The following SEMA4C variants were observed in gnomAD, a reference collection of about 807,000 sequenced individuals.
SEMA4C encodes semaphorin-4C.
SEMA4C carries 19 observed loss-of-function variants against 89.0 expected under a neutral mutation model. That is an observed-to-expected ratio of 0.21 (90% CI 0.15 to 0.31). The LOEUF is 0.31. SEMA4C is among the 10% of genes least tolerant of loss of function. SEMA4C has a pLI of 1.00. For synonymous variants in SEMA4C, 428 were observed against 472.7 expected, an observed-to-expected ratio of 0.91 and a Z score of 1.23; for missense variants, 811 against 1,107.0, an observed-to-expected ratio of 0.73 and a Z score of 3.79.
At chr2:96,868,067 T>A in intron 1 of SEMA4C, 144 bp from the exon 2 acceptor site, 2 of 1,166,380 alleles carry the variant, frequency 1.7e-6, no homozygotes, top group Non-Finnish European at 2.3e-6. Flanking sequence ...GAGGTGGACC[T>A]AAGTCCCCAC....
intron 3 of SEMA4C, 120 bp from the exon 4 acceptor site, chr2:96,866,049 G>A: frequency 1.7e-6 from 2 of 1,151,316 alleles, no homozygotes; most frequent in South Asian, 2.8e-5. Flanking sequence ...CCTATTCTCT[G>A]GGGACTTCCT....
Position 96,864,889 on chromosome 2 carries a change from C to A in SEMA4C, c.787-9G>T, listed in dbSNP as rs185401533. The A allele has an allele frequency of 6.8e-6, 11 of 1,612,386 alleles. No homozygotes were observed. The highest frequency in any genetic ancestry group is 2.7e-5 in the African/African-American group (2 of 75,030). Reference sequence around the variant, plus strand: ...GCGCCCCCCATATCGCCCTGGCAGACGGCAAGGGGACACTGCCGGTCAGCC... The same window carrying A: ...GCGCCCCCCATATCGCCCTGGCAGAAGGCAAGGGGACACTGCCGGTCAGCC... On this transcript the variant is annotated splice_polypyrimidine_tract_variant and intron_variant, in intron 8 of 14. Transcript: ENST00000305476. This position sits in a 1 kb window ranked among gnomAD's most constrained non-coding sequence, Gnocchi z 6.3.
At chr2:96,866,527 A>G in intron 2 of SEMA4C, 96 bp from the exon 3 acceptor site, 1 of 1,538,236 alleles carries the variant, frequency 6.5e-7, no homozygotes, top group Non-Finnish European at 9.0e-7. Context: ...TGCCACAAGC[A>G]GATGCCAGCC....
intron 1 of SEMA4C, chr2:96,868,701 C>T (rs2153365821): frequency 1.0e-6 from 1 of 985,190 alleles, no homozygotes; most frequent in African/African-American, 1.7e-5. Context: ...GGGGACCGAG[C>T]TCGGGTCGAG....
At position 96,861,858 on chromosome 2, in the gene SEMA4C, GCA is replaced by G; in HGVS notation, c.1478_1479del (p.Val493AlafsTer63). On this transcript the variant is annotated frameshift_variant, in exon 13 of 15. Coordinates refer to ENST00000305476, the MANE Select transcript of SEMA4C (RefSeq NM_017789.5). LOFTEE classifies it high-confidence loss of function. The surrounding 1 kb of genome is among the most constrained non-coding windows in gnomAD (Gnocchi z 7.8). ...LLFAGSRSQL[V>X]QLPVADCMKY... ...TTCATGCAGTCGGCCACGGGCAGCT[GCA>G]CCAGCTGAGAGCGGGAGCCGGCAAA... is the stretch of plus-strand genomic sequence containing the variant. The G allele has an allele frequency of 6.2e-7, 1 of 1,612,342 alleles. No homozygotes were observed. Among genetic ancestry groups the G allele is most frequent in the Non-Finnish European group, 8.5e-7 (1 of 1,179,794 alleles).
intron 1 of SEMA4C, 108 bp downstream of exon 1, chr2:96,869,768 C>G: frequency 1.0e-6 from 1 of 984,602 alleles, no homozygotes; most frequent in Non-Finnish European, 1.2e-6. Flanking sequence ...TCCCCGCGCC[C>G]CAGCCCCTGT....
At chr2:96,863,833 C>G (rs1297528171) in intron 11 of SEMA4C, 39 bp from the exon 12 acceptor site, 1 of 1,607,296 alleles carries the variant, frequency 6.2e-7, no homozygotes, top group South Asian at 1.1e-5. Context: ...TGAGAGGGCA[C>G]AAGGCCGTGG....
chr2:96,864,986 G>GCCAC lies in SEMA4C; in HGVS notation c.760_763dup (p.Ala255GlyfsTer70). On this transcript the variant is annotated frameshift_variant, in exon 8 of 15. Coordinates refer to ENST00000305476, the MANE Select transcript of SEMA4C (RefSeq NM_017789.5). LOFTEE classifies it high-confidence loss of function. This position sits in a 1 kb window ranked among gnomAD's most constrained non-coding sequence, Gnocchi z 6.3. ...TACCTTGCAGACACGGGCCACACGA[G>GCCAC]CCACCACCTGCTCGGCATAGCAGTC... The GCCAC allele has an allele frequency of 6.4e-7, 1 of 1,570,214 alleles. No individual in the cohort carries two copies. Among genetic ancestry groups the GCCAC allele is most frequent in the Non-Finnish European group, 8.6e-7 (1 of 1,157,954 alleles).
chr2:96,866,232 G>A (rs780896266), intron 3 of SEMA4C, 51 bp downstream of exon 3: 4 of 1,564,242 alleles, frequency 2.6e-6, no homozygotes, highest in Non-Finnish European at 3.5e-6. Flanking sequence ...CAGCCCCTCT[G>A]GGCCTTGCCC....
chr2:96,865,039 G>C lies in SEMA4C; in HGVS notation c.711C>G (p.Phe237Leu), dbSNP rs147678977. The C allele has an allele frequency of 1.3e-6, 2 of 1,557,424 alleles. No homozygotes were observed. Among genetic ancestry groups the C allele is most frequent in the African/African-American group, 2.7e-5 (2 of 73,432 alleles). The stretch of plus-strand genomic sequence containing the variant: ...ACTCCACTGCCCGCTCCCTGAAGAA[G>C]AAGTAGACCTTGTCGTCGTCCCCCG... The part of the protein sequence containing the change: ...SFTGDDDKVY[F>L]FFRERAVESD... The change falls in exon 8 of 15, where the codon TTC becomes TTG. Residue 237 changes from phenylalanine to leucine, a missense_variant. This residue lies in a region of SEMA4C where 441 missense variants were observed against 664.9 expected (regional missense o/e 0.66). Transcript: ENST00000305476.
At position 96,861,621 on chromosome 2, in the gene SEMA4C, A is replaced by G; in HGVS notation, c.1630T>C (p.Ser544Pro). The G allele has an allele frequency of 6.3e-7, 1 of 1,578,576 alleles. No individual in the cohort carries two copies. The highest frequency in any genetic ancestry group is 8.6e-7 in the Non-Finnish European group (1 of 1,158,912). Reference protein sequence around the residue: ...GSLLIQHVMTSDTSGICNLRG... With the variant: ...GSLLIQHVMTPDTSGICNLRG... ...AGGTTGCAGATGCCTGAAGTGTCCG[A>G]GGTCATCACATGCTGGATCAGTAGA... The change falls in exon 14 of 15, where the codon TCG becomes CCG. Residue 544 changes from serine to proline, a missense_variant. Physicochemically the swap from Ser to Pro is moderately conservative, Grantham distance 74. Transcript: ENST00000305476. The surrounding 1 kb of genome is among the most constrained non-coding windows in gnomAD (Gnocchi z 7.8).
chr2:96,869,232 GGCAGCGGTGCTCCCACCC>G (rs1276825789), intron 1 of SEMA4C: 31 of 985,286 alleles, frequency 3.1e-5, no homozygotes, highest in Non-Finnish European at 3.4e-5. Flanking sequence ...GGATCCGCCC[GGCAGCGGTGCTCCCACCC>G]GCAGCTCCCC....
chr2:96,863,796 TG>T lies in SEMA4C; in HGVS notation c.1331-3del. ...CAGCCTTGAGCAGCCAGCCGTCTCC[TG>T]GGGGGTGCAGAGGAGAAGGTGTAAA... On this transcript the variant is annotated splice_region_variant and splice_polypyrimidine_tract_variant and intron_variant, in intron 11 of 14. Coordinates refer to ENST00000305476, the MANE Select transcript of SEMA4C (RefSeq NM_017789.5). 2 of 1,613,580 alleles carry T rather than the reference TG, an allele frequency of 1.2e-6. No individual in the cohort carries two copies. Among genetic ancestry groups the T allele is most frequent in the Admixed American group, 1.7e-5 (1 of 60,012 alleles).
rs2079925229 is a variant in SEMA4C, at chr2:96,860,852, G to A, written c.2276C>T (p.Pro759Leu). Residue 759 changes from proline (P) to leucine (L), a missense_variant, in exon 15 of 15, where the codon CCT becomes CTT. Transcript: ENST00000305476. ...GCCTGGGATGCCTGGAGGTGGCGAA[G>A]GGGGCCCCCCACCGGGCTGGCACCG... The part of the protein sequence containing the change: ...HARCQPGGGP[P>L]SPPPGIPGQP... 6.2e-7 allele frequency: 1 copy of A among 1,613,136 alleles called. No homozygotes were observed. Among genetic ancestry groups the A allele is most frequent in the African/African-American group, 1.3e-5 (1 of 75,054 alleles).
At chr2:96,869,436 C>G in intron 1 of SEMA4C, 1 of 969,122 alleles carries the variant, frequency 1.0e-6, no homozygotes, top group Non-Finnish European at 1.2e-6. Context: ...GGGGGCCTGG[C>G]TTTCCGGGAC....
In SEMA4C at chr2:96,865,427, G is replaced by C; in HGVS notation, c.517+14C>G. The C allele has an allele frequency of 6.2e-7, 1 of 1,613,058 alleles. No homozygotes were observed. Among genetic ancestry groups the C allele is most frequent in the Non-Finnish European group, 8.5e-7 (1 of 1,179,218 alleles). On this transcript the variant is annotated intron_variant, in intron 6 of 14. Transcript: ENST00000305476. ...CAAGGACTCACCCAGCCTGCATGGG[G>C]GGCAGCCACTCACCCACAAGAAGGC...
Position 96,864,912 on chromosome 2 carries a change from G to A in SEMA4C, c.787-32C>T. ...GACGGCAAGGGGACACTGCCGGTCAGCCCCGCTGGGCCAGCAGGGCTCCCA... is the reference window on the plus strand; with the variant it reads ...GACGGCAAGGGGACACTGCCGGTCAACCCCGCTGGGCCAGCAGGGCTCCCA... On this transcript the variant is annotated intron_variant, in intron 8 of 14. Transcript: ENST00000305476. This position sits in a 1 kb window ranked among gnomAD's most constrained non-coding sequence, Gnocchi z 6.3. 1 of 1,611,374 alleles carries A rather than the reference G, an allele frequency of 6.2e-7. No homozygotes were observed.
At chr2:96,867,489 G>A (rs966899055) in intron 2 of SEMA4C, among the ~76,000 whole-genome samples, 1 of 152,170 alleles carries the variant, frequency 6.6e-6, no homozygotes, top group Admixed American at 6.5e-5. Context: ...CCCGGTTCCA[G>A]TTTCTCTTTA....
chr2:96,863,349 G>C (rs1342745777), intron 12 of SEMA4C: 1 of 1,088,658 alleles, frequency 9.2e-7, no homozygotes, highest in African/African-American at 1.6e-5. Flanking sequence ...TCTGGTCACA[G>C]GGGCATGGTC....
Sources: gnomAD v4.1 joint callset for allele counts (sites outside exome capture counted in the v4.1 genomes callset) on GRCh38, gnomAD v4.1.1 for gene constraint, gnomAD v4.1.1 regional missense constraint, Gnocchi (gnomAD v3.1) non-coding constraint, MANE v1.5 for transcripts, NCBI Gene and HGNC (gene_info 2026-07-23, HGNC 2026-07-21) for gene names.